CNOT6: variants seen among roughly 807,000 people sequenced by gnomAD.
The protein encoded by CNOT6 is carbon catabolite repression 4 protein.
A neutral mutation model predicts 61.2 loss-of-function variants in CNOT6; 12 were observed. That is an observed-to-expected ratio of 0.20 (90% CI 0.13 to 0.32). CNOT6 has a LOEUF of 0.32. Ranked by LOEUF, CNOT6 falls within the 10% of genes least tolerant of loss-of-function variation. The pLI, the probability that CNOT6 is intolerant of heterozygous loss-of-function variation, is 1.00. For missense variants in CNOT6, 405 were observed against 663.9 expected (o/e 0.61, Z 4.28); for synonymous variants, 225 against 240.6 (o/e 0.94, Z 0.60).
intron 1 of CNOT6, among the ~76,000 whole-genome samples, chr5:180,526,064 G>A (rs962653113): frequency 3.9e-5 from 6 of 152,166 alleles, no homozygotes; most frequent in Non-Finnish European, 7.3e-5. Context: ...TCTCAAAGCC[G>A]TTGGGGTTAT....
rs1757743766 is a variant in CNOT6 at position 180,518,445 on chromosome 5, A to G, written c.-2-10830A>G. 2.6e-5 allele frequency among the ~76,000 whole-genome samples: 4 copies of G among 152,222 alleles called. No homozygotes were observed. In the South Asian group the frequency reaches 8.3e-4, roughly 32 times the overall value. On this transcript the variant is annotated intron_variant, in intron 1 of 11. Coordinates refer to ENST00000261951, the MANE Select transcript of CNOT6 (RefSeq NM_001370472.1). Reference sequence around the variant, plus strand: ...TTCTGCAACACTTCAGTAGATAGAAATAAATTAAATCACAAGTCTATATTG... The same window carrying G: ...TTCTGCAACACTTCAGTAGATAGAAGTAAATTAAATCACAAGTCTATATTG...
At chr5:180,517,198 C>A (rs901667521) in intron 1 of CNOT6, among the ~76,000 whole-genome samples, 4 of 152,178 alleles carry the variant, frequency 2.6e-5, no homozygotes, top group African/African-American at 9.7e-5. Flanking sequence ...AGCGCAATGG[C>A]GTGATCACTG....
intron 6 of CNOT6, among the ~76,000 whole-genome samples, chr5:180,565,252 C>T (rs569403527): frequency 2.6e-5 from 4 of 152,324 alleles, no homozygotes; most frequent in African/African-American, 9.6e-5. Flanking sequence ...GGATTTGACA[C>T]TACCGAGTTA....
intron 6 of CNOT6, 113 bp from the exon 7 acceptor site, chr5:180,565,706 TA>T (rs1760414304): frequency 1.0e-6 from 1 of 988,228 alleles, no homozygotes; most frequent in African/African-American, 1.6e-5. Context: ...TTTCAGTGAC[TA>T]TAGATTGAAT....
At chr5:180,553,029 A>T (rs1759700841) in intron 3 of CNOT6, among the ~76,000 whole-genome samples, 1 of 152,102 alleles carries the variant, frequency 6.6e-6, no homozygotes, top group Non-Finnish European at 1.5e-5. Context: ...AGTGATACTC[A>T]GTGTGGTCTG....
intron 2 of CNOT6, among the ~76,000 whole-genome samples, chr5:180,539,779 C>T (rs1262957829): frequency 6.6e-6 from 1 of 151,634 alleles, no homozygotes; most frequent in African/African-American, 2.4e-5. Context: ...TTAGTAGAGA[C>T]AGGGCTTCAC....
At chr5:180,543,906 G>A (rs1434002480) in intron 2 of CNOT6, among the ~76,000 whole-genome samples, 1 of 152,046 alleles carries the variant, frequency 6.6e-6, no homozygotes, top group Admixed American at 6.6e-5. Flanking sequence ...CACCTCCCAG[G>A]TTCACGCCAT....
rs748410104 is a variant in CNOT6 at position 180,569,132 on chromosome 5, A to G, written c.1050A>G (p.Thr350=). 6.2e-7 allele frequency: 1 copy of G among 1,614,030 alleles called. No individual in the cohort carries two copies. The highest frequency in any genetic ancestry group is 1.1e-5 in the South Asian group (1 of 91,014). Residue 350 remains threonine, a synonymous_variant, in exon 10 of 12, where the codon ACA becomes ACG. Coordinates refer to ENST00000261951, the MANE Select transcript of CNOT6 (RefSeq NM_001370472.1). ...TAGCCGGAAAGCCACATCTTGGAAC[A>G]GAAAAACAACTTATTCTTGTGGCTA... is the stretch of plus-strand genomic sequence containing the variant. The part of the protein sequence containing the change: ...EMPSGKPHLG[T]EKQLILVANA...
chr5:180,499,001 G>A (rs1756746123), intron 1 of CNOT6, among the ~76,000 whole-genome samples: 1 of 152,120 alleles, frequency 6.6e-6, no homozygotes, highest in Non-Finnish European at 1.5e-5. Flanking sequence ...ATGTTGGCCA[G>A]GCTGGCTTTA....
At chr5:180,513,624 C>T (rs569877680) in intron 1 of CNOT6, among the ~76,000 whole-genome samples, 21 of 151,734 alleles carry the variant, frequency 1.4e-4, no homozygotes, top group Non-Finnish European at 2.4e-4. Context: ...TACCCGCCTC[C>T]GCCTCCCAAA....
intron 8 of CNOT6, 140 bp downstream of exon 8, chr5:180,567,382 GTTTT>G: frequency 1.4e-6 from 1 of 714,262 alleles, no homozygotes; most frequent in Non-Finnish European, 2.2e-6. Flanking sequence ...GACCTAGGGG[GTTTT>G]TGTTTGTTTT....
intron 7 of CNOT6, 48 bp downstream of exon 7, chr5:180,566,025 C>T (rs1339805995): frequency 1.3e-6 from 2 of 1,529,082 alleles, no homozygotes; most frequent in East Asian, 2.3e-5. Flanking sequence ...AAGGAAGGAG[C>T]AACTAGGAAT....
chr5:180,541,963 T>G (rs1759072935), intron 2 of CNOT6, among the ~76,000 whole-genome samples: 1 of 152,000 alleles, frequency 6.6e-6, no homozygotes, highest in African/African-American at 2.4e-5. Flanking sequence ...CAAGCAATCC[T>G]TCTGCCTTCC....
chr5:180,560,643 G>A (rs1172501282), intron 4 of CNOT6, among the ~76,000 whole-genome samples: 1 of 152,080 alleles, frequency 6.6e-6, no homozygotes, highest in Non-Finnish European at 1.5e-5. Flanking sequence ...CTGCTTTCAA[G>A]ATGTTTTTTC....
At chr5:180,499,750 CT>C (rs764610073) in intron 1 of CNOT6, among the ~76,000 whole-genome samples, 129 of 152,252 alleles carry the variant, frequency 8.5e-4, no homozygotes, top group Non-Finnish European at 1.4e-3. Context: ...GTGGCATTTT[CT>C]TTGAAAAAGC....
At chr5:180,504,447 G>A (rs1414172442) in intron 1 of CNOT6, among the ~76,000 whole-genome samples, 1 of 152,172 alleles carries the variant, frequency 6.6e-6, no homozygotes, top group Non-Finnish European at 1.5e-5. Context: ...TGGCTCAAAA[G>A]ACCAAGATTC....
intron 11 of CNOT6, among the ~76,000 whole-genome samples, chr5:180,573,356 G>C (rs574808026): frequency 2.7e-4 from 41 of 152,232 alleles, no homozygotes; most frequent in Admixed American, 2.2e-3. Context: ...CCACACAAAT[G>C]AGTAGATAAT....
rs1761086256 is a variant in CNOT6 at position 180,578,058 on chromosome 5, G to A, written c.*3858G>A. The A allele has an allele frequency of 6.6e-6, 1 of 152,630 alleles. No individual in the cohort carries two copies. The highest frequency in any genetic ancestry group is 2.4e-5 in the African/African-American group (1 of 41,456). 9.5% of individuals were successfully genotyped at this position (152,630 alleles called of 1,614,324 possible). ...CAGCAGACCACGTATTTAAAATTCTGAATCTTCTGGGACAGGGTTGTAACT... is the reference window on the plus strand; with the variant it reads ...CAGCAGACCACGTATTTAAAATTCTAAATCTTCTGGGACAGGGTTGTAACT... On this transcript the variant is annotated 3_prime_UTR_variant, in exon 12 of 12. Transcript: ENST00000261951.
intron 1 of CNOT6, among the ~76,000 whole-genome samples, chr5:180,516,106 G>T (rs561175146): frequency 2.0e-5 from 3 of 150,628 alleles, no homozygotes; most frequent in South Asian, 4.2e-4. Flanking sequence ...CTTCCATGTT[G>T]CCCAGGTTGG....
Sources: allele counts gnomAD v4.1 joint callset (sites outside exome capture counted in the v4.1 genomes callset), GRCh38; gene constraint gnomAD v4.1.1; transcripts MANE v1.5; gene names NCBI Gene and HGNC (gene_info 2026-07-23, HGNC 2026-07-21).